Variants in TJP2 observed in about 807,000 individuals in gnomAD.
The protein encoded by TJP2 is Friedreich ataxia region gene X104 (tight junction protein ZO-2).
Under a neutral mutation model 133.1 loss-of-function variants are expected in TJP2, and 91 were observed. That is an observed-to-expected ratio of 0.68 (90% CI 0.58 to 0.81). The LOEUF (loss-of-function observed/expected upper bound fraction) is 0.81, where lower values mean the gene tolerates loss of function less well. TJP2 is among the 40% of genes least tolerant of loss of function. The pLI, the probability that TJP2 is intolerant of heterozygous loss-of-function variation, is 0.00. For missense variants in TJP2, 1,541 were observed against 1,565.6 expected (o/e 0.98, Z 0.26); for synonymous variants, 592 against 583.4 (o/e 1.01, Z -0.21).
intron 1 of TJP2, among the ~76,000 whole-genome samples, chr9:69,179,573 ATC>A (rs1335489703): frequency 1.4e-5 from 2 of 144,498 alleles, no homozygotes; most frequent in African/African-American, 5.2e-5. Flanking sequence ...CAGTGGTGCG[ATC>A]TCGGCTCACT....
At chr9:69,181,888 G>T (rs142588587) in intron 1 of TJP2, among the ~76,000 whole-genome samples, 1 of 152,160 alleles carries the variant, frequency 6.6e-6, no homozygotes, top group Non-Finnish European at 1.5e-5. Context: ...CCAGCACCAC[G>T]TGTGCTGGAT....
chr9:69,148,248 T>A (rs1206864134), intron 1 of TJP2, among the ~76,000 whole-genome samples: 1 of 127,034 alleles, frequency 7.9e-6, no homozygotes, highest in Non-Finnish European at 1.7e-5. Flanking sequence ...TTTTTTTTAA[T>A]TTTTTTTTTT....
chr9:69,162,152 T>C (rs11145502), intron 2 of TJP2, among the ~76,000 whole-genome samples: 62,374 of 147,482 alleles, frequency 0.42, 13,444 homozygotes, highest in East Asian at 0.63. Context: ...TATATATGCC[T>C]TTATATATTA....
At chr9:69,177,544 A>C (rs60733257) in intron 1 of TJP2, among the ~76,000 whole-genome samples, 2,687 of 152,300 alleles carry the variant, frequency 0.018, 84 homozygotes, top group African/African-American at 0.061. Context: ...ATTACTATTA[A>C]ACTTTTTGAA....
At chr9:69,252,400 A>C (rs562524246) in intron 21 of TJP2, among the ~76,000 whole-genome samples, 21 of 152,174 alleles carry the variant, frequency 1.4e-4, no homozygotes, top group African/African-American at 4.8e-4. Context: ...TCCCACGTGA[A>C]ACTCCGTACC....
intron 12 of TJP2, 35 bp downstream of exon 12, chr9:69,234,582 G>T (rs777514205): frequency 3.2e-6 from 4 of 1,231,050 alleles, no homozygotes; most frequent in Admixed American, 3.6e-5. Context: ...TAGTTGGGGT[G>T]GGGGTGGGGA....
intron 13 of TJP2, among the ~76,000 whole-genome samples, chr9:69,236,525 G>A (rs1390398655): frequency 3.9e-5 from 6 of 152,208 alleles, no homozygotes; most frequent in Middle Eastern, 3.4e-3. Flanking sequence ...CTGAATGGCC[G>A]TAGCACACCA....
At chr9:69,231,832 G>A (rs1478144791) in intron 11 of TJP2, among the ~76,000 whole-genome samples, 4 of 152,148 alleles carry the variant, frequency 2.6e-5, no homozygotes, top group Non-Finnish European at 5.9e-5. Context: ...CCATCTGAGT[G>A]CCAGCTCATA....
chr9:69,177,491 A>G (rs893985014), intron 1 of TJP2, among the ~76,000 whole-genome samples: 1 of 152,198 alleles, frequency 6.6e-6, no homozygotes, highest in African/African-American at 2.4e-5. Flanking sequence ...CCTTTTTAGT[A>G]GATGCCCATA....
intron 1 of TJP2, among the ~76,000 whole-genome samples, chr9:69,188,290 C>CT (rs992521038): frequency 1.0e-5 from 1 of 95,336 alleles, no homozygotes. Flanking sequence ...GTAGATCTCA[C>CT]TGACTTTTCC....
intron 20 of TJP2, chr9:69,249,810 G>A (rs1039003358): frequency 1.8e-5 from 17 of 962,046 alleles, no homozygotes; most frequent in Non-Finnish European, 2.0e-5. Flanking sequence ...ACCAATCGCA[G>A]AACGTGTTTT....
At chr9:69,206,529 T>C (rs1237823836) in intron 1 of TJP2, among the ~76,000 whole-genome samples, 1 of 152,006 alleles carries the variant, frequency 6.6e-6, no homozygotes, top group African/African-American at 2.4e-5. Context: ...TTCATTTTGG[T>C]GTTCACCCAC....
At chr9:69,209,708 C>T (rs1332240160) in intron 1 of TJP2, among the ~76,000 whole-genome samples, 4 of 149,854 alleles carry the variant, frequency 2.7e-5, no homozygotes, top group Non-Finnish European at 5.9e-5. Flanking sequence ...GAGCCCAGAT[C>T]GTGCCATTGC....
chr9:69,201,610 T>C (rs762618618), intron 1 of TJP2, among the ~76,000 whole-genome samples: 2 of 152,172 alleles, frequency 1.3e-5, no homozygotes, highest in Non-Finnish European at 2.9e-5. Context: ...TGGTCGACAT[T>C]TGTTGAATGA....
chr9:69,243,394 C>T (rs1563954565), intron 17 of TJP2, among the ~76,000 whole-genome samples: 2 of 152,176 alleles, frequency 1.3e-5, no homozygotes, highest in South Asian at 4.1e-4. Context: ...CCTTACAAGT[C>T]TTACAGTACT....
chr9:69,236,917 T>G (rs1484994057), intron 13 of TJP2, 32 bp from the exon 14 acceptor site: 7 of 1,612,850 alleles, frequency 4.3e-6, no homozygotes, highest in Non-Finnish European at 5.9e-6. Context: ...TTTTCTGGCT[T>G]TAGAGATTTA....
chr9:69,178,384 G>C (rs1385094923), intron 1 of TJP2, among the ~76,000 whole-genome samples: 1 of 152,192 alleles, frequency 6.6e-6, no homozygotes, highest in Admixed American at 6.5e-5. Flanking sequence ...TAAATATTAA[G>C]TAAAGCAGTG....
chr9:69,239,322 A>G (rs1377699557), intron 16 of TJP2, among the ~76,000 whole-genome samples: 1 of 151,506 alleles, frequency 6.6e-6, no homozygotes, highest in East Asian at 2.0e-4. Flanking sequence ...AAAAAAATAT[A>G]TATATAATGT....
In TJP2 at chr9:69,236,993, C is replaced by G; in HGVS notation, c.2036C>G (p.Ala679Gly). The G allele has an allele frequency of 4.3e-6, 7 of 1,614,216 alleles. No homozygotes were observed. In the Middle Eastern group the frequency reaches 1.2e-3, roughly 266 times the overall value. Residue 679 changes from alanine to glycine, a missense_variant, in exon 14 of 23, where the codon GCT (alanine) becomes GGT (glycine). Transcript: ENST00000377245. ...GTTCAAAATGCCCAGAGAGACAACG[C>G]TGGGGACCGGGCAGATTTCTGGAGA... is the stretch of plus-strand genomic sequence containing the variant. ...ASVQNAQRDN[A>G]GDRADFWRMR...
Sources: gnomAD v4.1 joint callset for allele counts (sites outside exome capture counted in the v4.1 genomes callset) on GRCh38, gnomAD v4.1.1 for gene constraint, MANE v1.5 for transcripts, NCBI Gene and HGNC (gene_info 2026-07-23, HGNC 2026-07-21) for gene names.